The following SLC4A4 variants were observed in gnomAD, a reference collection of about 807,000 sequenced individuals.
SLC4A4 encodes solute carrier family 4 member 4.
SLC4A4 carries 27 observed loss-of-function variants against 111.5 expected under a neutral mutation model. That is an observed-to-expected ratio of 0.24 (90% CI 0.18 to 0.33). SLC4A4 has a LOEUF of 0.33. Among genes scored for constraint, SLC4A4 ranks in the 10% least tolerant of loss-of-function variants. The pLI, the probability that SLC4A4 is intolerant of heterozygous loss-of-function variation, is 1.00. For synonymous variants in SLC4A4, 443 were observed against 463.4 expected, an observed-to-expected ratio of 0.96 and a Z score of 0.57; for missense variants, 909 against 1,315.5, an observed-to-expected ratio of 0.69 and a Z score of 4.78.
intron 3 of SLC4A4, among the ~76,000 whole-genome samples, chr4:71,309,949 G>A (rs538608726): frequency 3.9e-5 from 6 of 152,022 alleles, no homozygotes; most frequent in African/African-American, 1.4e-4. Context: ...AAGGTTACAG[G>A]AACTACTAAC....
In SLC4A4 at chr4:71,540,726, T is replaced by G. The variant is rs1578147539; in HGVS notation, c.2443-5624T>G. 7.9e-5 allele frequency among the ~76,000 whole-genome samples: 11 copies of G among 139,708 alleles called. 1 individual carries two copies. Among genetic ancestry groups the G allele is most frequent in the African/African-American group, 3.4e-4 (11 of 31,906 alleles). The allele number at this position is 139,708 out of a possible 152,430, so 91.7% of individuals were successfully genotyped here. On this transcript the variant is annotated intron_variant, in intron 18 of 25. Transcript: ENST00000264485. ...TTGTGCCTTGTACCTTGCATGAACATTAAATTATTTGTTTTCATGTCTGCC... is the reference window on the plus strand; with the variant it reads ...TTGTGCCTTGTACCTTGCATGAACAGTAAATTATTTGTTTTCATGTCTGCC...
intron 1 of SLC4A4, among the ~76,000 whole-genome samples, chr4:71,081,912 C>G (rs1742003949): frequency 6.6e-6 from 1 of 152,058 alleles, no homozygotes; most frequent in Non-Finnish European, 1.5e-5. Context: ...TTCATACACA[C>G]AGGGCTCAAA....
In SLC4A4 at chr4:71,139,754, G is replaced by A. The variant is rs114428498; in HGVS notation, c.-2+46962G>A. Among the ~76,000 whole-genome samples the A allele has an allele frequency of 2.8e-3, 421 of 152,248 alleles. 2 individuals are homozygous for A. The highest frequency in any genetic ancestry group is 9.7e-3 in the African/African-American group (403 of 41,554). ...ATTTGTACATATTTATGGGGTACATGTAATATTTTGTTTCATGCATAGAAT... is the reference window on the plus strand; with the variant it reads ...ATTTGTACATATTTATGGGGTACATATAATATTTTGTTTCATGCATAGAAT... On this transcript the variant is annotated intron_variant, in intron 2 of 26. Transcript: ENST00000649996.
chr4:71,535,022 C>T (rs1184450555), intron 18 of SLC4A4, among the ~76,000 whole-genome samples: 3 of 152,058 alleles, frequency 2.0e-5, no homozygotes, highest in Non-Finnish European at 4.4e-5. Flanking sequence ...TTTTCCAGCT[C>T]CAGTGACTTT....
chr4:71,109,587 G>A (rs1238729113), intron 2 of SLC4A4, among the ~76,000 whole-genome samples: 4 of 150,992 alleles, frequency 2.6e-5, no homozygotes, highest in Admixed American at 2.6e-4. Context: ...CTGTCACCCA[G>A]GCCAGAGTAC....
rs528100734 is a variant in SLC4A4, at chr4:71,381,028, A to G, written c.731-16549A>G. Among the ~76,000 whole-genome samples the G allele has an allele frequency of 4.6e-5, 7 of 152,268 alleles. No individual in the cohort carries two copies. In the South Asian group the frequency reaches 1.5e-3, roughly 32 times the overall value. ...GACCCATTCTTATCAATCCCAGGAA[A>G]CAGCTGGAGCACACTTACTATTATG... On this transcript the variant is annotated intron_variant, in intron 6 of 25. Transcript: ENST00000264485.
Position 71,127,034 on chromosome 4 carries a change from C to T in SLC4A4, c.-2+34242C>T, listed in dbSNP as rs539773998. Among the ~76,000 whole-genome samples, 6 of 152,322 alleles carry T rather than the reference C, an allele frequency of 3.9e-5. No homozygotes were observed. The East Asian group carries it at 1.2e-3, about 29-fold the overall frequency. On this transcript the variant is annotated intron_variant, in intron 2 of 26. Transcript: ENST00000649996. ...CTAGAAACCACATAAATATATCCCA[C>T]TAAACCCAAACTAAATATATTCAGA... is the stretch of plus-strand genomic sequence containing the variant.
intron 14 of SLC4A4, among the ~76,000 whole-genome samples, chr4:71,483,611 G>A (rs1729090375): frequency 6.6e-6 from 1 of 151,872 alleles, no homozygotes; most frequent in African/African-American, 2.4e-5. Context: ...TTTTGCTGTT[G>A]TGGATAGTGC....
At chr4:71,276,424 C>T (rs1277915333) in intron 3 of SLC4A4, among the ~76,000 whole-genome samples, 1 of 152,192 alleles carries the variant, frequency 6.6e-6, no homozygotes, top group Non-Finnish European at 1.5e-5. Context: ...CAGAGATCTT[C>T]GTTGGGCTAT....
intron 1 of SLC4A4, chr4:71,236,042 G>T (rs1719775977): frequency 2.0e-6 from 2 of 993,154 alleles, no homozygotes; most frequent in African/African-American, 1.7e-5. Context: ...TAAGAGGCTG[G>T]CTGGAAGCTA....
At chr4:71,511,675 T>C (rs1180731606) in intron 16 of SLC4A4, among the ~76,000 whole-genome samples, 1 of 152,154 alleles carries the variant, frequency 6.6e-6, no homozygotes, top group Non-Finnish European at 1.5e-5. Context: ...TACATTTTTG[T>C]TAAGTATAGT....
chr4:71,515,418 A>G (rs1732295773), intron 16 of SLC4A4, among the ~76,000 whole-genome samples: 1 of 152,182 alleles, frequency 6.6e-6, no homozygotes, highest in African/African-American at 2.4e-5. Flanking sequence ...ATAACATTCC[A>G]TGTGCTGATG....
At chr4:71,101,329 C>T (rs1222481686) in intron 2 of SLC4A4, among the ~76,000 whole-genome samples, 1 of 152,162 alleles carries the variant, frequency 6.6e-6, no homozygotes, top group Non-Finnish European at 1.5e-5. Flanking sequence ...AATGATCATA[C>T]TACCCAAAGC....
At chr4:71,205,169 T>C (rs1428055833) in intron 1 of SLC4A4, among the ~76,000 whole-genome samples, 1 of 152,164 alleles carries the variant, frequency 6.6e-6, no homozygotes, top group Non-Finnish European at 1.5e-5. Context: ...AGATGCAGGA[T>C]GGAGTCACTG....
intron 6 of SLC4A4, among the ~76,000 whole-genome samples, chr4:71,394,361 A>G (rs1719597340): frequency 6.6e-6 from 1 of 152,174 alleles, no homozygotes; most frequent in East Asian, 1.9e-4. Context: ...GACGGTTCTC[A>G]AAAGAAGATA....
At chr4:71,084,226 C>T (rs966334201) in intron 1 of SLC4A4, among the ~76,000 whole-genome samples, 2 of 151,854 alleles carry the variant, frequency 1.3e-5, no homozygotes, top group African/African-American at 2.4e-5. Context: ...TATTAATAAT[C>T]GGATGTAAAG....
intron 7 of SLC4A4, among the ~76,000 whole-genome samples, chr4:71,418,476 C>T (rs1722021161): frequency 6.6e-6 from 1 of 152,192 alleles, no homozygotes; most frequent in African/African-American, 2.4e-5. Flanking sequence ...TGCATCATAA[C>T]TATTAAGTTC....
intron 3 of SLC4A4, among the ~76,000 whole-genome samples, chr4:71,325,674 G>T (rs1727447195): frequency 6.6e-6 from 1 of 151,946 alleles, no homozygotes; most frequent in African/African-American, 2.4e-5. Flanking sequence ...ACCTATATCA[G>T]GTCAACTGCC....
intron 2 of SLC4A4, among the ~76,000 whole-genome samples, chr4:71,147,516 CT>C (rs1431729524): frequency 2.0e-5 from 3 of 152,090 alleles, no homozygotes; most frequent in African/African-American, 7.2e-5. Flanking sequence ...CACTTCTCCC[CT>C]GGATGAACCA....
Sources: allele counts gnomAD v4.1 joint callset (sites outside exome capture counted in the v4.1 genomes callset), GRCh38; gene constraint gnomAD v4.1.1; transcripts MANE v1.5; gene names NCBI Gene and HGNC (gene_info 2026-07-23, HGNC 2026-07-21).